PCIF1: variants seen among roughly 807,000 people sequenced by gnomAD.
PCIF1 encodes phosphorylated CTD interacting factor 1, also known as mRNA (2'-O-methyladenosine-N(6)-)-methyltransferase.
PCIF1 carries 12 observed loss-of-function variants against 86.9 expected under a neutral mutation model. The observed-to-expected ratio is 0.14, with a 90% CI of 0.09 to 0.22. The LOEUF is 0.22. PCIF1 is among the 10% of genes least tolerant of loss of function. PCIF1 has a pLI of 1.00. For missense variants in PCIF1, 701 were observed against 951.1 expected (o/e 0.74, Z 3.46); for synonymous variants, 397 against 372.0 (o/e 1.07, Z -0.77).
intron 2 of PCIF1, among the ~76,000 whole-genome samples, chr20:45,938,401 T>C (rs1295183182): frequency 1.3e-5 from 2 of 152,156 alleles, no homozygotes; most frequent in African/African-American, 4.8e-5. Flanking sequence ...CCCATCTCCT[T>C]CTGGGAGTTG....
rs375579354 is a variant in PCIF1 at position 45,943,495 on chromosome 20, G to T, written c.905+72G>T. The T allele has an allele frequency of 2.3e-5, 34 of 1,474,034 alleles. No individual in the cohort carries two copies. The highest frequency in any genetic ancestry group is 2.1e-4 in the East Asian group (9 of 43,370). 91.3% of individuals were successfully genotyped at this position (1,474,034 alleles called of 1,614,324 possible). ...GGCAGGTCATAGGCCATCTTGCCCA[G>T]TCTCATGCAGGGCTGTCATTGCTCT... is the stretch of plus-strand genomic sequence containing the variant. On this transcript the variant is annotated intron_variant, in intron 9 of 16. Transcript: ENST00000372409. The surrounding 1 kb of genome is among the most constrained non-coding windows in gnomAD (Gnocchi z 5.5).
rs535208844 is a variant in PCIF1, at chr20:45,948,011, ACCC to A, written c.*261_*263del. 2.0e-6 allele frequency: 3 copies of A among 1,472,256 alleles called. No individual in the cohort carries two copies. The highest frequency in any genetic ancestry group is 1.7e-4 in the Middle Eastern group (1 of 5,774). The allele number at this position is 1,472,256 out of a possible 1,614,324, so 91.2% of individuals were successfully genotyped here. The stretch of plus-strand genomic sequence containing the variant: ...TTCATTTGTAAAAGGAAATACAGAA[ACCC>A]CCCCAAGAATGTGTGAGGGTCTTGA... On this transcript the variant is annotated 3_prime_UTR_variant, in exon 17 of 17. Coordinates refer to ENST00000372409, the MANE Select transcript of PCIF1 (RefSeq NM_022104.4).
At position 45,934,829 on chromosome 20, in the gene PCIF1, C is replaced by G. The variant is rs188917429; in HGVS notation, c.-188+25C>G. 1.9e-3 allele frequency: 749 copies of G among 398,148 alleles called. 7 individuals are homozygous for G. The highest frequency in any genetic ancestry group is 0.014 in the African/African-American group (665 of 48,710). The allele number at this position is 398,148 out of a possible 1,614,324, so 24.7% of individuals were successfully genotyped here. The stretch of plus-strand genomic sequence containing the variant: ...GGTAAGAGTCCCAGGAAGCCATGGT[C>G]CCGCAGCGAGCCGCGCCAGGGTCTG... On this transcript the variant is annotated intron_variant, in intron 1 of 16. Transcript: ENST00000372409.
chr20:45,934,942 A>C (rs2083403859), intron 1 of PCIF1, 138 bp downstream of exon 1: 1 of 395,468 alleles, frequency 2.5e-6, no homozygotes, highest in Non-Finnish European at 4.5e-6. Flanking sequence ...CCGCCATCTT[A>C]GACCCGCGGG....
At position 45,945,045 on chromosome 20, in the gene PCIF1, A is replaced by G. The variant is rs1012440789; in HGVS notation, c.1168+15A>G. On this transcript the variant is annotated intron_variant, in intron 11 of 16. Coordinates refer to ENST00000372409, the MANE Select transcript of PCIF1 (RefSeq NM_022104.4). ...CAACATCTCAGGTAGGGGAAAGGTGAAGGAGGAGCCAGCTGTGATGCCGTC... is the reference window on the plus strand; with the variant it reads ...CAACATCTCAGGTAGGGGAAAGGTGGAGGAGGAGCCAGCTGTGATGCCGTC... 3.8e-6 allele frequency: 6 copies of G among 1,592,906 alleles called. No individual in the cohort carries two copies. In the Admixed American group the frequency reaches 5.2e-5, roughly 14 times the overall value.
In PCIF1 at chr20:45,946,254, G is replaced by C. The variant is rs769259496; in HGVS notation, c.1483G>C (p.Val495Leu). ...EGTGLQGSLPVHVFEALHRLF... is the reference protein window; with the variant it reads ...EGTGLQGSLPLHVFEALHRLF... ...GACTGGCCTGCAGGGATCGCTGCCT[G>C]TGCATGTCTTTGAGGCCCTCCACCG... The change falls in exon 14 of 17, where the codon GTG becomes CTG. Residue 495 changes from valine to leucine, a missense_variant. By Grantham distance (32) the Val-to-Leu change is conservative. Around this residue, in one of 7 missense-constraint regions of PCIF1, gnomAD observed 61 missense variants for 118.5 expected, o/e 0.51. Coordinates refer to ENST00000372409, the MANE Select transcript of PCIF1 (RefSeq NM_022104.4). 2.4e-5 allele frequency: 38 copies of C among 1,614,096 alleles called. No homozygotes were observed. Among genetic ancestry groups the C allele is most frequent in the Non-Finnish European group, 1.6e-5 (19 of 1,180,058 alleles).
At chr20:45,945,090 AG>A in intron 11 of PCIF1, 60 bp downstream of exon 11, 4 of 1,509,554 alleles carry the variant, frequency 2.6e-6, no homozygotes, top group Non-Finnish European at 3.6e-6. Context: ...CCCTGATGGA[AG>A]GGACAAGTGA....
At chr20:45,938,517 G>T (rs1342919482) in intron 2 of PCIF1, among the ~76,000 whole-genome samples, 1 of 152,162 alleles carries the variant, frequency 6.6e-6, no homozygotes, top group Non-Finnish European at 1.5e-5. Flanking sequence ...TAGTGCTCCT[G>T]TTGGGTCCAG....
chr20:45,935,193 T>TGCGCGC (rs57434270), intron 1 of PCIF1, among the ~76,000 whole-genome samples: 2 of 144,780 alleles, frequency 1.4e-5, no homozygotes, highest in Non-Finnish European at 3.0e-5. Flanking sequence ...GAGGGGAAGG[T>TGCGCGC]GCGCGCGCGC....
rs182120273 is a variant in PCIF1, at chr20:45,938,759, G to A, written c.-19-222G>A. Among the ~76,000 whole-genome samples, 4 of 152,274 alleles carry A rather than the reference G, an allele frequency of 2.6e-5. No homozygotes were observed. In the East Asian group the frequency reaches 7.7e-4, roughly 29 times the overall value. On this transcript the variant is annotated intron_variant, in intron 2 of 16. Transcript: ENST00000372409. ...CAGTAGCAAGCCAGGCAGAGAAGAG[G>A]GGGAGGGGCATTTCAGGCAGAGGAA...
chr20:45,942,015 G>A (rs1255768155), intron 7 of PCIF1, among the ~76,000 whole-genome samples: 5 of 134,314 alleles, frequency 3.7e-5, no homozygotes, highest in Non-Finnish European at 6.1e-5. Context: ...TCGCTCTGTC[G>A]CCCAGGCTGG....
intron 4 of PCIF1, among the ~76,000 whole-genome samples, chr20:45,940,134 C>G (rs1222188899): frequency 1.3e-5 from 2 of 152,200 alleles, no homozygotes; most frequent in Non-Finnish European, 2.9e-5. Flanking sequence ...TCCTCACATT[C>G]ATTCTGTTCT....
rs1054178948 is a variant in PCIF1 at position 45,947,858 on chromosome 20, G to A, written c.*103G>A. On this transcript the variant is annotated 3_prime_UTR_variant, in exon 17 of 17. Coordinates refer to ENST00000372409, the MANE Select transcript of PCIF1 (RefSeq NM_022104.4). The surrounding 1 kb of genome is among the most constrained non-coding windows in gnomAD (Gnocchi z 5.4). The stretch of plus-strand genomic sequence containing the variant: ...ACCCCGGCTGCCACTGACATATGAA[G>A]ATTATGGTTCTGCCAGGGCTCCCCT... The A allele has an allele frequency of 2.0e-6, 3 of 1,536,848 alleles. No homozygotes were observed. The highest frequency in any genetic ancestry group is 2.6e-6 in the Non-Finnish European group (3 of 1,150,794).
At chr20:45,944,559 A>C (rs780826750) in intron 10 of PCIF1, among the ~76,000 whole-genome samples, 12 of 152,244 alleles carry the variant, frequency 7.9e-5, no homozygotes, top group Non-Finnish European at 1.6e-4. Flanking sequence ...GGGATCTAGC[A>C]GTGTAACCCC....
intron 10 of PCIF1, 53 bp from the exon 11 acceptor site, chr20:45,944,815 A>G: frequency 6.4e-7 from 1 of 1,566,472 alleles, no homozygotes; most frequent in South Asian, 1.1e-5. Flanking sequence ...CTGCCAGCCC[A>G]GCTGAGCCCC....
intron 2 of PCIF1, among the ~76,000 whole-genome samples, chr20:45,938,736 G>C (rs1365617726): frequency 6.6e-6 from 1 of 152,144 alleles, no homozygotes; most frequent in Non-Finnish European, 1.5e-5. Context: ...TGTGAACCCA[G>C]TAGCAAGCCA....
chr20:45,937,867 C>T (rs941484977), intron 2 of PCIF1: 1 of 307,082 alleles, frequency 3.3e-6, no homozygotes, highest in African/African-American at 2.1e-5. Flanking sequence ...AATCAGTGTC[C>T]CAATGATTCG....
Position 45,934,727 on chromosome 20 carries a change from G to GGAGGGC in PCIF1, c.-260_-255dup. On this transcript the variant is annotated 5_prime_UTR_variant, in exon 1 of 17. Transcript: ENST00000372409. ...CACAAGATGGCGGCAGCGGCGCTGG[G>GGAGGGC]GAGGGCGAGGCGGAGGCGGCAAAAC... is the stretch of plus-strand genomic sequence containing the variant. 2.5e-6 allele frequency: 1 copy of GGAGGGC among 398,988 alleles called. No individual in the cohort carries two copies. 24.7% of individuals were successfully genotyped at this position (398,988 alleles called of 1,614,324 possible). A position where few individuals can be genotyped will look rare whatever the true frequency, so the allele number is the denominator to read the frequency against.
rs914610981 is a variant in PCIF1, at chr20:45,939,024, C to T, written c.25C>T (p.Pro9Ser). Residue 9 changes from proline (P) to serine (S), a missense_variant, in exon 3 of 17, where the codon CCC becomes TCC. Coordinates refer to ENST00000372409, the MANE Select transcript of PCIF1 (RefSeq NM_022104.4). MANENHGS[P>S]REEASLLSHS... is the part of the protein sequence containing the mutation. ...GATGGCCAATGAGAATCACGGCAGC[C>T]CCCGGGAGGAAGCGTCCCTGCTGAG... The T allele has an allele frequency of 1.1e-5, 17 of 1,614,004 alleles. No individual in the cohort carries two copies. The highest frequency in any genetic ancestry group is 1.4e-5 in the Non-Finnish European group (16 of 1,179,982).
Sources: allele counts gnomAD v4.1 joint callset (sites outside exome capture counted in the v4.1 genomes callset), GRCh38; gene constraint gnomAD v4.1.1; regional missense constraint gnomAD v4.1.1; non-coding constraint Gnocchi (gnomAD v3.1); transcripts MANE v1.5; gene names NCBI Gene and HGNC (gene_info 2026-07-23, HGNC 2026-07-21).